SLC7A2: variants seen among roughly 807,000 people sequenced by gnomAD.
The protein encoded by SLC7A2 is solute carrier family 7 member 2.
In SLC7A2, 48 loss-of-function variants were observed where a neutral mutation model predicts 58.9. The ratio of observed to expected loss-of-function variants is 0.82; its 90% CI spans 0.65 to 1.04. The LOEUF is 1.04. SLC7A2 is among the 50% of genes least tolerant of loss of function. The pLI, the probability that SLC7A2 is intolerant of heterozygous loss-of-function variation, is 0.00. For missense variants in SLC7A2, 1,029 were observed against 818.8 expected (o/e 1.26, Z -3.13); for synonymous variants, 363 against 314.5 (o/e 1.15, Z -1.63).
At chr8:17,517,825 GC>G (rs1800862342) in intron 2 of SLC7A2, among the ~76,000 whole-genome samples, 1 of 152,020 alleles carries the variant, frequency 6.6e-6, no homozygotes, top group South Asian at 2.1e-4. Flanking sequence ...GTGTTAGGGG[GC>G]TGCCGAGAGC....
intron 10 of SLC7A2, among the ~76,000 whole-genome samples, chr8:17,561,670 A>G (rs1802992741): frequency 6.6e-6 from 1 of 152,224 alleles, no homozygotes; most frequent in Admixed American, 6.5e-5. Flanking sequence ...CACAGATGGC[A>G]CGTGGGCAGA....
At position 17,567,576 on chromosome 8, in the gene SLC7A2, C is replaced by CTG. The variant is rs889001067; in HGVS notation, c.*2440_*2441dup. On this transcript the variant is annotated 3_prime_UTR_variant, in exon 13 of 13. Transcript: ENST00000494857. The stretch of plus-strand genomic sequence containing the variant: ...TGTTTGTATGAGTGTATATATATAT[C>CTG]TGTGTGTGTGTATCTCTAACGTCAG... The CTG allele has an allele frequency of 5.9e-5, 9 of 151,452 alleles. No homozygotes were observed. The highest frequency in any genetic ancestry group is 5.3e-4 in the Admixed American group (8 of 15,100). The allele number at this position is 151,452 out of a possible 1,614,324, so 9.4% of individuals were successfully genotyped here.
At position 17,548,751 on chromosome 8, in the gene SLC7A2, T is replaced by C; in HGVS notation, c.606T>C (p.Leu202=). Residue 202 remains leucine, a synonymous_variant, in exon 5 of 13, where the codon CTT becomes CTC. Transcript: ENST00000494857. The stretch of plus-strand genomic sequence containing the variant: ...TCACAGCTGTTAATATTCTCGTCCT[T>C]CTGTTTGTGATGGTTGCTGGGTTTG... The part of the protein sequence containing the change: ...KVFTAVNILV[L]LFVMVAGFVK... 1 of 1,613,950 alleles carries C rather than the reference T, an allele frequency of 6.2e-7. No homozygotes were observed. The highest frequency in any genetic ancestry group is 8.5e-7 in the Non-Finnish European group (1 of 1,179,870).
intron 3 of SLC7A2, among the ~76,000 whole-genome samples, 164 bp downstream of exon 3, chr8:17,543,879 GT>G (rs1479309259): frequency 3.3e-5 from 5 of 151,594 alleles, no homozygotes; most frequent in Middle Eastern, 3.4e-3. Context: ...AATTCTGTGG[GT>G]TTTTTTTAAG....
chr8:17,523,835 A>G (rs111308144), intron 2 of SLC7A2, among the ~76,000 whole-genome samples: 5,487 of 152,340 alleles, frequency 0.036, 142 homozygotes, highest in Middle Eastern at 0.13. Flanking sequence ...AACCCACAGA[A>G]TGGGAGAAAA....
At chr8:17,520,724 G>A (rs1256019159) in intron 2 of SLC7A2, 1 of 894,200 alleles carries the variant, frequency 1.1e-6, no homozygotes, top group Non-Finnish European at 1.3e-6. Flanking sequence ...TTTCAAGGAG[G>A]AGATGGGAGA....
At chr8:17,521,847 C>G (rs1425870899) in intron 2 of SLC7A2, among the ~76,000 whole-genome samples, 2 of 152,202 alleles carry the variant, frequency 1.3e-5, no homozygotes, top group East Asian at 1.9e-4. Flanking sequence ...TTTCTTCATG[C>G]CCTTGTTTCC....
At chr8:17,531,788 C>A (rs1801461131) in intron 2 of SLC7A2, among the ~76,000 whole-genome samples, 1 of 151,646 alleles carries the variant, frequency 6.6e-6, no homozygotes, top group African/African-American at 2.4e-5. Context: ...TGCAAAAATT[C>A]AAGATCTTTT....
intron 7 of SLC7A2, among the ~76,000 whole-genome samples, chr8:17,553,622 A>G (rs1802552599): frequency 6.6e-6 from 1 of 152,076 alleles, no homozygotes; most frequent in African/African-American, 2.4e-5. Context: ...AATTCAAGAA[A>G]TTAGCTGAGC....
intron 2 of SLC7A2, among the ~76,000 whole-genome samples, chr8:17,526,874 T>C (rs1441390148): frequency 6.6e-6 from 1 of 152,174 alleles, no homozygotes; most frequent in African/African-American, 2.4e-5. Context: ...TTCAACATAA[T>C]GTATTAGGAT....
intron 2 of SLC7A2, among the ~76,000 whole-genome samples, chr8:17,533,835 G>T (rs1012788084): frequency 6.6e-6 from 1 of 152,130 alleles, no homozygotes; most frequent in Non-Finnish European, 1.5e-5. Context: ...TGCCATGGTG[G>T]TTTGCTGCAC....
intron 6 of SLC7A2, 48 bp from the exon 7 acceptor site, chr8:17,551,716 T>G: frequency 7.6e-7 from 1 of 1,319,806 alleles, no homozygotes; most frequent in South Asian, 1.2e-5. Flanking sequence ...TTTCTTTACC[T>G]GTTGATGTTT....
rs1405791417 is a variant in SLC7A2, at chr8:17,566,701, G to A, written c.*1555G>A. On this transcript the variant is annotated 3_prime_UTR_variant, in exon 13 of 13. Transcript: ENST00000494857. Reference sequence around the variant, plus strand: ...TTTTTACATGTAAGATTCTCTAATTGTCATATTTTACTTTTTAGGATTCCC... The same window carrying A: ...TTTTTACATGTAAGATTCTCTAATTATCATATTTTACTTTTTAGGATTCCC... 1 of 152,138 alleles carries A rather than the reference G, an allele frequency of 6.6e-6. No homozygotes were observed. Among genetic ancestry groups the A allele is most frequent in the Non-Finnish European group, 1.5e-5 (1 of 68,032 alleles). The allele number at this position is 152,138 out of a possible 1,614,324, so 9.4% of individuals were successfully genotyped here.
chr8:17,502,140 A>G (rs1012525816), intron 1 of SLC7A2, 117 bp from the exon 2 acceptor site: 22 of 151,652 alleles, frequency 1.5e-4, no homozygotes, highest in African/African-American at 4.6e-4. Flanking sequence ...TGGTGGGAGT[A>G]TATCTGTGGC....
rs567923397 is a variant in SLC7A2 at position 17,566,770 on chromosome 8, C to G, written c.*1624C>G. ...TTGCAGTGTATTTGCTTCTCATGAA[C>G]TATTTCTCGTACAAATCATTAAATA... On this transcript the variant is annotated 3_prime_UTR_variant, in exon 13 of 13. Transcript: ENST00000494857. 1 of 152,246 alleles carries G rather than the reference C, an allele frequency of 6.6e-6. No homozygotes were observed. Among genetic ancestry groups the G allele is most frequent in the South Asian group, 2.1e-4 (1 of 4,824 alleles). The allele number at this position is 152,246 out of a possible 1,614,324, so 9.4% of individuals were successfully genotyped here.
intron 2 of SLC7A2, chr8:17,520,609 C>G (rs575362888): frequency 6.2e-6 from 1 of 161,338 alleles, no homozygotes; most frequent in East Asian, 2.3e-4. Context: ...CCACTGCACT[C>G]CAGCCTGGGC....
chr8:17,558,338 G>T lies in SLC7A2; in HGVS notation c.1239G>T (p.Met413Ile). 6.2e-7 allele frequency: 1 copy of T among 1,613,482 alleles called. No homozygotes were observed. Among genetic ancestry groups the T allele is most frequent in the Non-Finnish European group, 8.5e-7 (1 of 1,179,672 alleles). ...FLFDLKALVD[M>I]MSIGTLMAYS... is the part of the protein sequence containing the mutation. ...TTGACCTGAAGGCGCTTGTGGACAT[G>T]ATGTCCATTGGCACACTCATGGCCT... Residue 413 changes from methionine to isoleucine, a missense_variant, in exon 9 of 13, where the codon ATG becomes ATT. Met to Ile is a conservative substitution (Grantham distance 10). Coordinates refer to ENST00000494857, the MANE Select transcript of SLC7A2 (RefSeq NM_001370338.1).
intron 10 of SLC7A2, among the ~76,000 whole-genome samples, chr8:17,561,453 T>G (rs1372265901): frequency 6.6e-6 from 1 of 152,174 alleles, no homozygotes; most frequent in Admixed American, 6.5e-5. Flanking sequence ...CGCTTACTGT[T>G]CAATTATCTT....
Position 17,569,757 on chromosome 8 carries a change from A to T in SLC7A2, c.*4611A>T, listed in dbSNP as rs1803428704. ...ACTGGTAACACTGTTTGCTGGGAGC[A>T]TTATACTTAACTTTGATTCACCATG... On this transcript the variant is annotated 3_prime_UTR_variant, in exon 13 of 13. Transcript: ENST00000494857. 6.6e-6 allele frequency: 1 copy of T among 152,148 alleles called. No individual in the cohort carries two copies. Among genetic ancestry groups the T allele is most frequent in the Admixed American group, 6.5e-5 (1 of 15,282 alleles). 9.4% of individuals were successfully genotyped at this position (152,148 alleles called of 1,614,324 possible).
Sources: gnomAD v4.1 joint callset for allele counts (sites outside exome capture counted in the v4.1 genomes callset) on GRCh38, gnomAD v4.1.1 for gene constraint, MANE v1.5 for transcripts, NCBI Gene and HGNC (gene_info 2026-07-23, HGNC 2026-07-21) for gene names.